Variants in ZFAT observed in about 807,000 individuals in gnomAD.
ZFAT encodes zinc finger and AT-hook domain containing, also known as zinc finger protein ZFAT.
ZFAT carries 64 observed loss-of-function variants against 117.7 expected under a neutral mutation model. That is an observed-to-expected ratio of 0.54 (90% CI 0.44 to 0.67). The LOEUF (loss-of-function observed/expected upper bound fraction) is 0.67, where lower values mean the gene tolerates loss of function less well. Among genes scored for constraint, ZFAT ranks in the 30% least tolerant of loss-of-function variants. The pLI is 0.00. For synonymous variants in ZFAT, 679 were observed against 615.0 expected, an observed-to-expected ratio of 1.10 and a Z score of -1.54; for missense variants, 1,433 against 1,584.5, an observed-to-expected ratio of 0.90 and a Z score of 1.62.
At chr8:134,552,818 C>T (rs201115658) in intron 11 of ZFAT, among the ~76,000 whole-genome samples, 3 of 152,202 alleles carry the variant, frequency 2.0e-5, no homozygotes, top group East Asian at 1.9e-4. Flanking sequence ...GAAGAATCTC[C>T]AAAATGCACA....
the ZFAT span, among the ~76,000 whole-genome samples, chr8:134,803,456 T>C: frequency 2.0e-5 from 3 of 152,190 alleles, no homozygotes; most frequent in Non-Finnish European, 2.9e-5. Flanking sequence ...GCAATAAATC[T>C]GCTTTATTTA....
intron 12 of ZFAT, among the ~76,000 whole-genome samples, chr8:134,523,276 T>G (rs1231865020): frequency 6.6e-6 from 1 of 152,168 alleles, no homozygotes; most frequent in East Asian, 1.9e-4. Flanking sequence ...CTAGGCTCGG[T>G]ATCCAGACAT....
chr8:134,596,121 C>T (rs1479137522), intron 7 of ZFAT, among the ~76,000 whole-genome samples: 1 of 152,212 alleles, frequency 6.6e-6, no homozygotes, highest in African/African-American at 2.4e-5. Flanking sequence ...CAGAACAGCA[C>T]CATTCTCCTG....
intron 8 of ZFAT, among the ~76,000 whole-genome samples, chr8:134,588,731 A>C (rs1193040457): frequency 6.6e-6 from 1 of 152,228 alleles, no homozygotes; most frequent in Non-Finnish European, 1.5e-5. Flanking sequence ...AGAAAACAAG[A>C]AACAGAAACA....
chr8:134,495,209 G>A (rs553920596), intron 15 of ZFAT, among the ~76,000 whole-genome samples: 2 of 152,238 alleles, frequency 1.3e-5, no homozygotes, highest in East Asian at 1.9e-4. Flanking sequence ...TAGTTCTGGC[G>A]GCTAGAAGTC....
rs1827348559 is a variant in ZFAT, at chr8:134,600,641, A to C, written c.2270T>G (p.Phe757Cys). 6.2e-7 allele frequency: 1 copy of C among 1,603,150 alleles called. No homozygotes were observed. Among genetic ancestry groups the C allele is most frequent in the Non-Finnish European group, 8.5e-7 (1 of 1,171,986 alleles). ...GGTGTGGGTGCGGACATGCATATCA[A>C]AATGCACTTGGTACCAAAAAAGTTT... ...CGKLFWYQVH[F>C]DMHVRTHTRE... The change falls in exon 7 of 16, where the codon TTT becomes TGT. Residue 757 changes from phenylalanine to cysteine, a missense_variant. Around this residue, in one of 5 missense-constraint regions of ZFAT, gnomAD observed 372 missense variants for 355.6 expected, o/e 1.05. Coordinates refer to ENST00000377838, the MANE Select transcript of ZFAT (RefSeq NM_020863.4).
chr8:134,620,479 C>G (rs1742141648), intron 3 of ZFAT, among the ~76,000 whole-genome samples: 1 of 152,246 alleles, frequency 6.6e-6, no homozygotes, highest in Admixed American at 6.5e-5. Flanking sequence ...CCCCTATTGG[C>G]TTGTCAATGG....
chr8:134,639,115 T>C (rs192573190), intron 2 of ZFAT, among the ~76,000 whole-genome samples: 1 of 152,194 alleles, frequency 6.6e-6, no homozygotes, highest in African/African-American at 2.4e-5. Flanking sequence ...AGTAAGTCAC[T>C]TGTGCTCACA....
chr8:134,770,956 T>C, the ZFAT span, among the ~76,000 whole-genome samples: 6 of 66,110 alleles, frequency 9.1e-5, no homozygotes, highest in African/African-American at 4.0e-4. Flanking sequence ...AAACCCTGTC[T>C]CCTGATAAGA....
At chr8:134,598,929 G>T (rs959497307) in intron 7 of ZFAT, 5 of 152,224 alleles carry the variant, frequency 3.3e-5, no homozygotes, top group Admixed American at 3.3e-4. Context: ...TAGGGAGCCA[G>T]GGTGAAAACC....
Position 134,657,683 on chromosome 8 carries a change from G to A in ZFAT, c.74C>T (p.Ser25Leu), listed in dbSNP as rs551616005. ...KCCNLFSPNQ[S>L]ELLSHVSEKH... is the part of the protein sequence containing the mutation. Reference sequence around the variant, plus strand: ...CTCTGAAACGTGGGAGAGGAGTTCCGACTGATTTGGTGAGAAGAGGTTACA... The same window carrying A: ...CTCTGAAACGTGGGAGAGGAGTTCCAACTGATTTGGTGAGAAGAGGTTACA... Residue 25 changes from serine (S) to leucine (L), a missense_variant, in exon 2 of 16, where the codon TCG becomes TTG. By Grantham distance (145) the Ser-to-Leu change is moderately radical (BLOSUM62 -2). This residue lies in a region of ZFAT where 436 missense variants were observed against 482.0 expected (regional missense o/e 0.90). Coordinates refer to ENST00000377838, the MANE Select transcript of ZFAT (RefSeq NM_020863.4). 25 of 1,614,030 alleles carry A rather than the reference G, an allele frequency of 1.5e-5. No individual in the cohort carries two copies. The highest frequency in any genetic ancestry group is 6.7e-5 in the Admixed American group (4 of 60,008).
chr8:134,538,435 G>A (rs1413928200), intron 11 of ZFAT, among the ~76,000 whole-genome samples: 1 of 152,140 alleles, frequency 6.6e-6, no homozygotes, highest in Admixed American at 6.5e-5. Flanking sequence ...GAGAAAAGAC[G>A]AGGAGCACAA....
chr8:134,746,682 C>G, the ZFAT span, among the ~76,000 whole-genome samples: 1 of 152,132 alleles, frequency 6.6e-6, no homozygotes, highest in Non-Finnish European at 1.5e-5. Context: ...TAGTTCTTCC[C>G]CCAGTGCTGA....
intron 1 of ZFAT, among the ~76,000 whole-genome samples, chr8:134,687,544 A>C (rs1833381908): frequency 6.6e-6 from 1 of 152,174 alleles, no homozygotes; most frequent in South Asian, 2.1e-4. Context: ...AAGCACCACA[A>C]ATCATTTTAC....
chr8:134,744,371 C>T, the ZFAT span, among the ~76,000 whole-genome samples: 3,416 of 150,726 alleles, frequency 0.023, 95 homozygotes, highest in African/African-American at 0.05. Flanking sequence ...TCTTGGCTCA[C>T]GGCAACCTCT....
rs191772639 is a variant in ZFAT, at chr8:134,495,464, G to A, written c.3492+14155C>T. On this transcript the variant is annotated intron_variant, in intron 15 of 15. Transcript: ENST00000377838. ...CAATCATATGAATTAAGGGGGGAAC[G>A]TGAGCATTCGGTTCATCATCATGCC... Among the ~76,000 whole-genome samples the A allele has an allele frequency of 6.4e-4, 98 of 152,272 alleles. No homozygotes were observed. In the Middle Eastern group the frequency reaches 0.02, roughly 32 times the overall value.
chr8:134,532,801 G>T, intron 12 of ZFAT, 33 bp downstream of exon 12: 1 of 1,604,982 alleles, frequency 6.2e-7, no homozygotes, highest in South Asian at 1.1e-5. Context: ...AAAGGAAGCG[G>T]GCAGGGCCCC....
chr8:134,607,905 T>C (rs1280573519), intron 5 of ZFAT, among the ~76,000 whole-genome samples: 1 of 152,196 alleles, frequency 6.6e-6, no homozygotes, highest in African/African-American at 2.4e-5. Context: ...TGGAGGACAG[T>C]TTTTAATGTC....
At chr8:134,513,197 CT>C (rs763874079) in intron 13 of ZFAT, among the ~76,000 whole-genome samples, 24,931 of 132,682 alleles carry the variant, frequency 0.19, 1,596 homozygotes, top group Non-Finnish European at 0.21. Flanking sequence ...GCTATTTGTG[CT>C]TTTTTTTTTT....
Sources: allele counts gnomAD v4.1 joint callset (sites outside exome capture counted in the v4.1 genomes callset), GRCh38; gene constraint gnomAD v4.1.1; regional missense constraint gnomAD v4.1.1; transcripts MANE v1.5; gene names NCBI Gene and HGNC (gene_info 2026-07-23, HGNC 2026-07-21).